The following RASSF3 variants were observed in gnomAD, a reference collection of about 807,000 sequenced individuals.
The protein encoded by RASSF3 is Ras association domain family member 3, also known as ras association domain-containing protein 3.
In RASSF3, 19 loss-of-function variants were observed where a neutral mutation model predicts 19.9. The observed-to-expected ratio is 0.96, with a 90% confidence interval of 0.67 to 1.40. The LOEUF is 1.40. Ranked by LOEUF, RASSF3 falls within the 40% of genes most tolerant of loss-of-function variation. The probability of loss-of-function intolerance (pLI) is 0.00; values close to 1 mark genes in which losing one functional copy is unlikely to be tolerated. For synonymous variants in RASSF3, 110 were observed against 104.2 expected, an observed-to-expected ratio of 1.06 and a Z score of -0.34; for missense variants, 306 against 289.8, an observed-to-expected ratio of 1.06 and a Z score of -0.41.
At chr12:64,601,556 C>T (rs114662498) in intron 2 of RASSF3, among the ~76,000 whole-genome samples, 2,763 of 152,066 alleles carry the variant, frequency 0.018, 82 homozygotes, top group African/African-American at 0.063. Context: ...TATGACTGGG[C>T]TTGGCCTGTA....
At chr12:64,653,547 A>G (rs1052132328) in intron 1 of RASSF3, among the ~76,000 whole-genome samples, 3 of 151,904 alleles carry the variant, frequency 2.0e-5, no homozygotes, top group African/African-American at 7.3e-5. Flanking sequence ...TTGGGAGGAC[A>G]CAAATCAATA....
chr12:64,568,108 T>C (rs1159973375), intron 2 of RASSF3, among the ~76,000 whole-genome samples: 2 of 152,228 alleles, frequency 1.3e-5, no homozygotes, highest in East Asian at 3.8e-4. Context: ...CTTGGCTCAC[T>C]GCAACCTCTG....
At chr12:64,596,725 G>GTA (rs751476409) in intron 2 of RASSF3, among the ~76,000 whole-genome samples, 30 of 151,050 alleles carry the variant, frequency 2.0e-4, no homozygotes, top group South Asian at 6.3e-4. Context: ...TAACTCTTCA[G>GTA]TATATATATA....
intron 4 of RASSF3, among the ~76,000 whole-genome samples, chr12:64,694,381 C>T (rs143117265): frequency 4.3e-4 from 66 of 152,156 alleles, no homozygotes; most frequent in East Asian, 3.7e-3. Flanking sequence ...ACTGATTATG[C>T]GAGGTAAGAA....
intron 1 of RASSF3, among the ~76,000 whole-genome samples, chr12:64,634,513 G>T (rs1269984624): frequency 6.6e-6 from 1 of 151,868 alleles, no homozygotes; most frequent in African/African-American, 2.4e-5. Context: ...GGGGGGCATT[G>T]TCCCCACAAA....
chr12:64,633,025 A>G (rs1871216110), intron 1 of RASSF3, among the ~76,000 whole-genome samples: 1 of 152,230 alleles, frequency 6.6e-6, no homozygotes, highest in South Asian at 2.1e-4. Context: ...AAATCTAAGC[A>G]GTTTCAATAG....
At chr12:64,587,179 C>T (rs964431688) in intron 2 of RASSF3, among the ~76,000 whole-genome samples, 9 of 150,648 alleles carry the variant, frequency 6.0e-5, no homozygotes, top group Non-Finnish European at 1.0e-4. Context: ...CTCAGCCTCC[C>T]GAGTAGCTGG....
At chr12:64,674,835 G>A (rs887278819) in intron 1 of RASSF3, among the ~76,000 whole-genome samples, 6 of 152,152 alleles carry the variant, frequency 3.9e-5, no homozygotes, top group African/African-American at 1.4e-4. Flanking sequence ...GGGTAGGGCA[G>A]TACGTAGTGA....
chr12:64,516,816 A>G (rs954813354), intron 1 of RASSF3, among the ~76,000 whole-genome samples: 4 of 151,930 alleles, frequency 2.6e-5, no homozygotes, highest in South Asian at 2.1e-4. Flanking sequence ...CCTGACCAAC[A>G]TGGTGAAACC....
intron 1 of RASSF3, among the ~76,000 whole-genome samples, chr12:64,657,435 G>A (rs1323682236): frequency 6.6e-6 from 1 of 152,250 alleles, no homozygotes; most frequent in Non-Finnish European, 1.5e-5. Context: ...TAAATTTTAT[G>A]TTGTGTTTAA....
chr12:64,508,269 C>A lies in RASSF3; in HGVS notation c.169+940C>A, dbSNP rs569938791. ...GTGGCTCACACCTGTAATCTCAGCA[C>A]TTTGGGAGGCCGAGGCAGATGCATT... On this transcript the variant is annotated intron_variant, in intron 1 of 5. Transcript: ENST00000637125. 5.2e-4 allele frequency among the ~76,000 whole-genome samples: 79 copies of A among 152,268 alleles called. 1 individual carries two copies. The highest frequency in any genetic ancestry group is 1.8e-3 in the African/African-American group (73 of 41,554).
intron 2 of RASSF3, among the ~76,000 whole-genome samples, chr12:64,552,086 A>C (rs1869174084): frequency 6.6e-6 from 1 of 152,102 alleles, no homozygotes; most frequent in African/African-American, 2.4e-5. Context: ...AGTTAGTTTT[A>C]TTTAAATATT....
chr12:64,668,279 T>C (rs1565866159), intron 1 of RASSF3, among the ~76,000 whole-genome samples: 1 of 152,028 alleles, frequency 6.6e-6, no homozygotes. Context: ...TTCTTTTTTT[T>C]TTTTTCTCTT....
chr12:64,615,543 G>A (rs908520925), intron 1 of RASSF3, among the ~76,000 whole-genome samples: 1 of 152,102 alleles, frequency 6.6e-6, no homozygotes, highest in Non-Finnish European at 1.5e-5. Context: ...ATTTGGTTGT[G>A]TCTTATTGCT....
At chr12:64,598,784 A>C (rs1339812144) in intron 2 of RASSF3, among the ~76,000 whole-genome samples, 6 of 151,984 alleles carry the variant, frequency 3.9e-5, no homozygotes, top group South Asian at 2.1e-4. Context: ...ACATGTGCAC[A>C]ACGTGCAGGT....
rs1868384298 is a variant in RASSF3, at chr12:64,696,940, T to C, written c.*2028T>C. 6.6e-6 allele frequency: 1 copy of C among 152,200 alleles called. No homozygotes were observed. The highest frequency in any genetic ancestry group is 2.1e-4 in the South Asian group (1 of 4,834). 9.4% of individuals were successfully genotyped at this position (152,200 alleles called of 1,614,324 possible). ...AGACTATGGCCTGGATTTGAGTATATTGTTATTACCACCTGGTTTTTTAAT... is the reference window on the plus strand; with the variant it reads ...AGACTATGGCCTGGATTTGAGTATACTGTTATTACCACCTGGTTTTTTAAT... On this transcript the variant is annotated 3_prime_UTR_variant, in exon 5 of 5. Coordinates refer to ENST00000542104, the MANE Select transcript of RASSF3 (RefSeq NM_178169.4).
At chr12:64,641,414 A>ACACACACACACGTGCGCGCGCGCG in intron 1 of RASSF3, among the ~76,000 whole-genome samples, 2 of 142,100 alleles carry the variant, frequency 1.4e-5, no homozygotes, top group African/African-American at 5.6e-5. Context: ...ACACACACAC[A>ACACACACACACGTGCGCGCGCGCG]CGCGCGCGCG....
chr12:64,666,445 C>G (rs1189490777), intron 1 of RASSF3, among the ~76,000 whole-genome samples: 1 of 152,124 alleles, frequency 6.6e-6, no homozygotes, highest in African/African-American at 2.4e-5. Context: ...GTAGCGTGCT[C>G]ACTGAAGTAT....
At chr12:64,556,280 C>A (rs972446919) in intron 2 of RASSF3, among the ~76,000 whole-genome samples, 1 of 152,162 alleles carries the variant, frequency 6.6e-6, no homozygotes, top group African/African-American at 2.4e-5. Context: ...TCAGCCTCTT[C>A]AGTACCTGGG....
Sources: gnomAD v4.1 joint callset for allele counts (sites outside exome capture counted in the v4.1 genomes callset) on GRCh38, gnomAD v4.1.1 for gene constraint, MANE v1.5 for transcripts, NCBI Gene and HGNC (gene_info 2026-07-23, HGNC 2026-07-21) for gene names.